ZFPM2: variants seen among roughly 807,000 people sequenced by gnomAD.
ZFPM2 encodes zinc finger protein, FOG family member 2.
ZFPM2 carries 20 observed loss-of-function variants against 98.6 expected under a neutral mutation model. That is an observed-to-expected ratio of 0.20 (90% confidence interval 0.14 to 0.29). ZFPM2 has a LOEUF of 0.29. ZFPM2 is among the 10% of genes least tolerant of loss of function. The pLI is 1.00. For synonymous variants in ZFPM2, 518 were observed against 502.7 expected (o/e 1.03, Z -0.41); for missense variants, 1,310 against 1,388.6 (o/e 0.94, Z 0.90).
In ZFPM2 at chr8:105,802,191, G is replaced by A; in HGVS notation, c.2109G>A (p.Met703Ile). 6.2e-7 allele frequency: 1 copy of A among 1,613,864 alleles called. No homozygotes were observed. The highest frequency in any genetic ancestry group is 8.5e-7 in the Non-Finnish European group (1 of 1,179,872). The change falls in exon 8 of 8, where the codon ATG (methionine) becomes ATA (isoleucine). Residue 703 changes from methionine to isoleucine, a missense_variant. Transcript: ENST00000407775. ...CCTTCAGCCGGCACGAAACATACATGGTCCACAAACAGTATTACTGTGCTA... is the reference window on the plus strand; with the variant it reads ...CCTTCAGCCGGCACGAAACATACATAGTCCACAAACAGTATTACTGTGCTA... ...NITFSRHETY[M>I]VHKQYYCATR...
chr8:105,647,916 T>C (rs1817083534), intron 5 of ZFPM2, among the ~76,000 whole-genome samples: 1 of 152,170 alleles, frequency 6.6e-6, no homozygotes, highest in African/African-American at 2.4e-5. Context: ...CTGGGTCAAA[T>C]GGTATTTCTA....
intron 1 of ZFPM2, among the ~76,000 whole-genome samples, chr8:105,378,376 G>A (rs1300054125): frequency 3.3e-5 from 5 of 152,028 alleles, no homozygotes; most frequent in African/African-American, 9.7e-5. Context: ...TTTCCAACCC[G>A]GAGCCATCAC....
intron 5 of ZFPM2, among the ~76,000 whole-genome samples, chr8:105,636,999 A>C (rs1816858902): frequency 6.6e-6 from 1 of 152,180 alleles, no homozygotes; most frequent in Non-Finnish European, 1.5e-5. Context: ...TCACATGGCT[A>C]ATAAGTGATT....
chr8:105,452,157 C>A (rs1812496619), intron 3 of ZFPM2, among the ~76,000 whole-genome samples: 1 of 152,106 alleles, frequency 6.6e-6, no homozygotes, highest in Admixed American at 6.6e-5. Flanking sequence ...AAGTGAAACA[C>A]AAATTGGTTG....
At chr8:105,577,465 G>A in intron 4 of ZFPM2, among the ~76,000 whole-genome samples, 1 of 84,246 alleles carries the variant, frequency 1.2e-5, no homozygotes, top group South Asian at 4.3e-4. Flanking sequence ...ATAATCTTAT[G>A]AAGTAAAGCA....
intron 1 of ZFPM2, among the ~76,000 whole-genome samples, chr8:105,332,177 A>G (rs951075188): frequency 2.0e-5 from 3 of 151,620 alleles, no homozygotes; most frequent in Non-Finnish European, 4.4e-5. Flanking sequence ...CTTACTTCAC[A>G]TGTCAATTGT....
At chr8:105,439,170 A>G (rs555814393) in intron 2 of ZFPM2, among the ~76,000 whole-genome samples, 23 of 152,228 alleles carry the variant, frequency 1.5e-4, no homozygotes, top group Non-Finnish European at 2.4e-4. Context: ...GAATGTAAGG[A>G]CAATACAGTT....
At chr8:105,656,588 G>A (rs1292837134) in intron 5 of ZFPM2, among the ~76,000 whole-genome samples, 1 of 152,162 alleles carries the variant, frequency 6.6e-6, no homozygotes, top group Non-Finnish European at 1.5e-5. Flanking sequence ...ATGGGACAGA[G>A]AGGAGGGGTA....
At chr8:105,765,485 A>G (rs966588803) in intron 5 of ZFPM2, among the ~76,000 whole-genome samples, 2 of 151,824 alleles carry the variant, frequency 1.3e-5, no homozygotes, top group African/African-American at 4.8e-5. Context: ...TTTATTTAAT[A>G]GATTGTCCTT....
intron 3 of ZFPM2, among the ~76,000 whole-genome samples, chr8:105,459,465 C>T (rs1812662991): frequency 6.6e-6 from 1 of 152,110 alleles, no homozygotes. Context: ...CCACTACTTT[C>T]CCCCCAATTT....
At chr8:105,696,885 T>C (rs1295703184) in intron 5 of ZFPM2, among the ~76,000 whole-genome samples, 1 of 152,164 alleles carries the variant, frequency 6.6e-6, no homozygotes, top group Admixed American at 6.6e-5. Context: ...TGTTTGAAAC[T>C]GATAATCTCT....
At chr8:105,659,400 A>G (rs1817346896) in intron 5 of ZFPM2, among the ~76,000 whole-genome samples, 1 of 152,232 alleles carries the variant, frequency 6.6e-6, no homozygotes, top group African/African-American at 2.4e-5. Flanking sequence ...ATGTTCAGAA[A>G]TGTTGGAACG....
At chr8:105,753,790 G>T (rs1307213422) in intron 5 of ZFPM2, among the ~76,000 whole-genome samples, 1 of 152,106 alleles carries the variant, frequency 6.6e-6, no homozygotes, top group Non-Finnish European at 1.5e-5. Context: ...ATCATTAAAT[G>T]TGGAACTAAA....
chr8:105,534,205 C>CTCCT (rs1814391215), intron 3 of ZFPM2, among the ~76,000 whole-genome samples: 1 of 69,962 alleles, frequency 1.4e-5, no homozygotes, highest in East Asian at 4.3e-4. Flanking sequence ...CCCTCCCTCC[C>CTCCT]TTCTTCCTTC....
intron 3 of ZFPM2, among the ~76,000 whole-genome samples, chr8:105,500,186 T>A (rs1813562117): frequency 6.6e-6 from 1 of 152,236 alleles, no homozygotes; most frequent in Admixed American, 6.5e-5. Flanking sequence ...TGATTTCTCC[T>A]TTTATCATCC....
chr8:105,558,866 T>C (rs1437364850), intron 3 of ZFPM2, among the ~76,000 whole-genome samples: 1 of 152,182 alleles, frequency 6.6e-6, no homozygotes, highest in Non-Finnish European at 1.5e-5. Flanking sequence ...TTGAAATGTA[T>C]TTTATTTTAA....
At chr8:105,726,536 G>T (rs1223135312) in intron 5 of ZFPM2, among the ~76,000 whole-genome samples, 1 of 151,792 alleles carries the variant, frequency 6.6e-6, no homozygotes, top group African/African-American at 2.4e-5. Context: ...GGACTGGTCA[G>T]TAAATAACTA....
intron 4 of ZFPM2, among the ~76,000 whole-genome samples, chr8:105,615,089 G>A (rs1816386486): frequency 6.6e-6 from 1 of 151,946 alleles, no homozygotes; most frequent in South Asian, 2.1e-4. Context: ...ATCAATATTT[G>A]CAAAGTGTTC....
At position 105,657,133 on chromosome 8, in the gene ZFPM2, T is replaced by G. The variant is rs1563508164; in HGVS notation, c.532+22776T>G. On this transcript the variant is annotated intron_variant, in intron 5 of 7. Transcript: ENST00000407775. Reference sequence around the variant, plus strand: ...TTGATAGCTTTCTTGCTATTAATGCTTTTCTATTCTTTTTCTTTTTTTTGA... The same window carrying G: ...TTGATAGCTTTCTTGCTATTAATGCGTTTCTATTCTTTTTCTTTTTTTTGA... Among the ~76,000 whole-genome samples, 5 of 152,130 alleles carry G rather than the reference T, an allele frequency of 3.3e-5. 1 individual carries two copies. The South Asian group carries it at 8.3e-4, about 25-fold the overall frequency.
Sources: allele counts gnomAD v4.1 joint callset (sites outside exome capture counted in the v4.1 genomes callset), GRCh38; gene constraint gnomAD v4.1.1; transcripts MANE v1.5; gene names NCBI Gene and HGNC (gene_info 2026-07-23, HGNC 2026-07-21).